The following THRB variants were observed in gnomAD, a reference collection of about 807,000 sequenced individuals.
THRB encodes the protein nuclear receptor subfamily 1 group A member 2.
THRB carries 12 observed loss-of-function variants against 47.8 expected under a neutral mutation model. That is an observed-to-expected ratio of 0.25 (90% CI 0.16 to 0.41). The LOEUF is 0.41. THRB is among the 10% of genes least tolerant of loss of function. The probability of loss-of-function intolerance (pLI) is 1.00; values close to 1 mark genes in which losing one functional copy is unlikely to be tolerated. For missense variants in THRB, 348 were observed against 589.2 expected (o/e 0.59, Z 4.24); for synonymous variants, 218 against 212.2 (o/e 1.03, Z -0.24).
chr3:24,424,152 T>G (rs2069532018), intron 1 of THRB, among the ~76,000 whole-genome samples: 1 of 151,920 alleles, frequency 6.6e-6, no homozygotes, highest in South Asian at 2.1e-4. Context: ...CATGATTGGC[T>G]GCTAGAAGCA....
intron 1 of THRB, among the ~76,000 whole-genome samples, chr3:24,469,600 G>A (rs990451810): frequency 1.3e-5 from 2 of 152,166 alleles, no homozygotes; most frequent in African/African-American, 4.8e-5. Flanking sequence ...CTATGAAAAT[G>A]ATTATTACTG....
intron 1 of THRB, among the ~76,000 whole-genome samples, chr3:24,474,096 A>C (rs1053563015): frequency 6.6e-6 from 1 of 152,192 alleles, no homozygotes; most frequent in Admixed American, 6.5e-5. Context: ...GTATCTCAGA[A>C]CTTAAAGTAT....
intron 5 of THRB, among the ~76,000 whole-genome samples, chr3:24,188,062 A>G (rs1260855885): frequency 6.6e-6 from 1 of 152,186 alleles, no homozygotes; most frequent in East Asian, 1.9e-4. Context: ...TTTTCTCATT[A>G]CATCTCTGAC....
At chr3:24,189,937 C>T in intron 5 of THRB, 137 bp downstream of exon 5, 3 of 806,586 alleles carry the variant, frequency 3.7e-6, no homozygotes, top group Non-Finnish European at 6.2e-6. Context: ...GAAAAGGACG[C>T]CTAGTAAAAG....
chr3:24,252,111 C>G (rs745690364), intron 3 of THRB, among the ~76,000 whole-genome samples: 6 of 152,084 alleles, frequency 3.9e-5, no homozygotes, highest in Non-Finnish European at 7.4e-5. Context: ...ACTGCTTGTT[C>G]TTGATGACTT....
At chr3:24,393,054 C>T (rs570004117) in intron 1 of THRB, among the ~76,000 whole-genome samples, 8 of 152,226 alleles carry the variant, frequency 5.3e-5, no homozygotes, top group Non-Finnish European at 1.2e-4. Flanking sequence ...CATCATCAAG[C>T]AGACTTCTGA....
chr3:24,394,589 C>G (rs536260662), intron 1 of THRB, among the ~76,000 whole-genome samples: 3 of 152,154 alleles, frequency 2.0e-5, no homozygotes, highest in African/African-American at 7.2e-5. Flanking sequence ...TCATAACCTT[C>G]CTAGAAGTAA....
intron 6 of THRB, among the ~76,000 whole-genome samples, chr3:24,151,421 G>C (rs747032115): frequency 1.3e-5 from 2 of 152,098 alleles, no homozygotes; most frequent in Non-Finnish European, 2.9e-5. Flanking sequence ...TGAGAGAGGA[G>C]GGAAGGTGAA....
chr3:24,218,474 C>CA (rs2046841634), intron 4 of THRB, among the ~76,000 whole-genome samples: 1 of 151,000 alleles, frequency 6.6e-6, no homozygotes, highest in African/African-American at 2.4e-5. Flanking sequence ...ATGGGCTAAG[C>CA]AAAGCTATAG....
intron 2 of THRB, among the ~76,000 whole-genome samples, chr3:24,331,363 T>G (rs2061918010): frequency 6.6e-6 from 1 of 152,290 alleles, no homozygotes; most frequent in East Asian, 1.9e-4. Flanking sequence ...AACTATTTTC[T>G]CCCCGTCCTG....
At chr3:24,233,560 G>GAAGAAAGAAAGA (rs769459380) in intron 3 of THRB, among the ~76,000 whole-genome samples, 6,512 of 77,108 alleles carry the variant, frequency 0.084, 269 homozygotes, top group East Asian at 0.13. Context: ...AAAGAAAAAG[G>GAAGAAAGAAAGA]AAGAAAGAAA....
chr3:24,264,236 T>C (rs2052401344), intron 3 of THRB, among the ~76,000 whole-genome samples: 1 of 152,176 alleles, frequency 6.6e-6, no homozygotes, highest in African/African-American at 2.4e-5. Context: ...GAACATGAGC[T>C]CTCTGCAAAG....
At chr3:24,233,560 G>GAAAGA (rs2048479796) in intron 3 of THRB, among the ~76,000 whole-genome samples, 3 of 77,302 alleles carry the variant, frequency 3.9e-5, no homozygotes, top group African/African-American at 4.7e-5. Context: ...AAAGAAAAAG[G>GAAAGA]AAGAAAGAAA....
chr3:24,262,425 T>G (rs774084735), intron 3 of THRB, among the ~76,000 whole-genome samples: 1 of 152,222 alleles, frequency 6.6e-6, no homozygotes, highest in Non-Finnish European at 1.5e-5. Flanking sequence ...GATCCCTGGG[T>G]GCCAAACCCT....
chr3:24,235,579 A>C, intron 3 of THRB, among the ~76,000 whole-genome samples: 1 of 152,126 alleles, frequency 6.6e-6, no homozygotes, highest in African/African-American at 2.4e-5. Flanking sequence ...CAGGTGCTTC[A>C]TGGGCAGCCC....
At chr3:24,288,895 C>T (rs1343546575) in intron 3 of THRB, among the ~76,000 whole-genome samples, 1 of 152,138 alleles carries the variant, frequency 6.6e-6, no homozygotes, top group Non-Finnish European at 1.5e-5. Flanking sequence ...TATGCTTGGT[C>T]GTTATGTAAA....
intron 1 of THRB, among the ~76,000 whole-genome samples, chr3:24,434,178 C>T (rs1190007327): frequency 3.3e-5 from 5 of 152,110 alleles, no homozygotes; most frequent in South Asian, 2.1e-4. Flanking sequence ...ACTAGCAGTT[C>T]TCAGCTTAAA....
intron 4 of THRB, among the ~76,000 whole-genome samples, chr3:24,209,027 T>C (rs1176823600): frequency 6.6e-6 from 1 of 152,156 alleles, no homozygotes; most frequent in Non-Finnish European, 1.5e-5. Context: ...GGTTGAAGGA[T>C]ATGAACAGAC....
intron 1 of THRB, among the ~76,000 whole-genome samples, chr3:24,451,444 C>T (rs1010418410): frequency 3.3e-5 from 5 of 152,008 alleles, no homozygotes; most frequent in African/African-American, 1.2e-4. Context: ...ACTATGTTAG[C>T]CAAGCTGGTC....
Sources: allele counts gnomAD v4.1 joint callset (sites outside exome capture counted in the v4.1 genomes callset), GRCh38; gene constraint gnomAD v4.1.1; transcripts MANE v1.5; gene names NCBI Gene and HGNC (gene_info 2026-07-23, HGNC 2026-07-21).